ADGRD1: variants seen among roughly 807,000 people sequenced by gnomAD.
ADGRD1 encodes the protein adhesion G protein-coupled receptor D1.
ADGRD1 carries 77 observed loss-of-function variants against 113.4 expected under a neutral mutation model. That is an observed-to-expected ratio of 0.68 (90% confidence interval 0.57 to 0.82). The LOEUF (loss-of-function observed/expected upper bound fraction) is 0.82, where lower values mean the gene tolerates loss of function less well. ADGRD1 is among the 40% of genes least tolerant of loss of function. The pLI is 0.00. For synonymous variants in ADGRD1, 474 were observed against 475.0 expected, an observed-to-expected ratio of 1.00 and a Z score of 0.03; for missense variants, 1,036 against 1,139.1, an observed-to-expected ratio of 0.91 and a Z score of 1.30.
chr12:131,070,561 G>A (rs999534834), intron 13 of ADGRD1: 5 of 217,762 alleles, frequency 2.3e-5, no homozygotes, highest in African/African-American at 9.1e-5. Flanking sequence ...TCTGAGACGC[G>A]CTTTAGAAGT....
intron 20 of ADGRD1, among the ~76,000 whole-genome samples, chr12:131,123,095 C>T (rs566460451): frequency 2.9e-5 from 3 of 104,176 alleles, no homozygotes; most frequent in Admixed American, 1.4e-4. Flanking sequence ...TTCGCTCTGT[C>T]GCCCAGGCTG....
At chr12:130,960,312 T>C (rs1870186001) in intron 2 of ADGRD1, among the ~76,000 whole-genome samples, 1 of 152,170 alleles carries the variant, frequency 6.6e-6, no homozygotes, top group Non-Finnish European at 1.5e-5. Context: ...TTTAGGGGTC[T>C]GGGAGGCCAA....
intron 20 of ADGRD1, among the ~76,000 whole-genome samples, chr12:131,124,680 TCGAA>T (rs1183348405): frequency 9.5e-6 from 1 of 105,160 alleles, no homozygotes; most frequent in Non-Finnish European, 2.5e-5. Flanking sequence ...CCGCCCCTTC[TCGAA>T]TTGTTCTCGG....
At chr12:131,137,170 G>C (rs1444446224) in intron 23 of ADGRD1, 156 bp downstream of exon 23, 4 of 680,878 alleles carry the variant, frequency 5.9e-6, no homozygotes, top group Non-Finnish European at 1.1e-5. Flanking sequence ...GTGCCCTGGG[G>C]CCTGCTGCTG....
chr12:131,120,955 G>T (rs1388684219), intron 20 of ADGRD1, 42 bp downstream of exon 20: 5 of 1,573,912 alleles, frequency 3.2e-6, no homozygotes, highest in Non-Finnish European at 4.4e-6. Flanking sequence ...GGGCTGGGGA[G>T]GGGCAGGAGG....
At chr12:130,994,724 C>T (rs1050536353) in intron 8 of ADGRD1, among the ~76,000 whole-genome samples, 4 of 152,246 alleles carry the variant, frequency 2.6e-5, no homozygotes, top group African/African-American at 7.2e-5. Context: ...GTTGCATGCT[C>T]ATGAGTGGGT....
In ADGRD1 at chr12:130,954,086, G is replaced by T. The variant is rs1869222069; in HGVS notation, c.-380G>T. On this transcript the variant is annotated 5_prime_UTR_variant, in exon 1 of 25. Transcript: ENST00000261654. This position sits in a 1 kb window ranked among gnomAD's most constrained non-coding sequence, Gnocchi z 4.7. Reference sequence around the variant, plus strand: ...CCAAACCTGACTGAGACAAACGGAGGCTCTTGAAATAAAAAGAAAATACCG... The same window carrying T: ...CCAAACCTGACTGAGACAAACGGAGTCTCTTGAAATAAAAAGAAAATACCG... 1 of 188,894 alleles carries T rather than the reference G, an allele frequency of 5.3e-6. No homozygotes were observed. Among genetic ancestry groups the T allele is most frequent in the Non-Finnish European group, 1.1e-5 (1 of 93,476 alleles). The allele number at this position is 188,894 out of a possible 1,614,324, so 11.7% of individuals were successfully genotyped here. A position where few individuals can be genotyped will look rare whatever the true frequency, so the allele number is the denominator to read the frequency against.
chr12:131,002,867 G>A (rs1876569667), intron 9 of ADGRD1: 1 of 1,203,630 alleles, frequency 8.3e-7, no homozygotes, highest in South Asian at 1.5e-5. Flanking sequence ...TGTGCTGAGG[G>A]TCCCTCTGTG....
At chr12:131,098,773 C>T (rs573428182) in intron 15 of ADGRD1, among the ~76,000 whole-genome samples, 4 of 152,240 alleles carry the variant, frequency 2.6e-5, no homozygotes, top group Admixed American at 1.3e-4. Flanking sequence ...TATTTATTCA[C>T]GTTTACACAT....
chr12:131,123,775 T>C (rs1170256021), intron 20 of ADGRD1, among the ~76,000 whole-genome samples: 1 of 151,238 alleles, frequency 6.6e-6, no homozygotes, highest in Non-Finnish European at 1.5e-5. Flanking sequence ...TGAGCCGAGA[T>C]TGCGCCACTG....
chr12:131,056,977 CGT>C (rs1883919303), intron 13 of ADGRD1, among the ~76,000 whole-genome samples: 1 of 152,050 alleles, frequency 6.6e-6, no homozygotes, highest in African/African-American at 2.4e-5. Context: ...CTTGGACTCA[CGT>C]GTGTTGACAT....
At chr12:130,978,450 T>A (rs912462225) in intron 4 of ADGRD1, 2 of 152,236 alleles carry the variant, frequency 1.3e-5, no homozygotes, top group Middle Eastern at 3.2e-3. Flanking sequence ...GTCAATATTG[T>A]GCTTGTTTCT....
At chr12:130,991,905 G>A (rs920914029) in intron 7 of ADGRD1, among the ~76,000 whole-genome samples, 4 of 152,092 alleles carry the variant, frequency 2.6e-5, no homozygotes, top group Non-Finnish European at 5.9e-5. Context: ...AGGATCACTT[G>A]AGGTCCGGAG....
chr12:131,002,924 G>A (rs987330080), intron 9 of ADGRD1: 8 of 792,280 alleles, frequency 1.0e-5, no homozygotes, highest in African/African-American at 8.7e-5. Context: ...CTCAGTCCCC[G>A]TGTCTAAGTG....
At chr12:131,002,846 A>C in intron 9 of ADGRD1, 1 of 1,228,828 alleles carries the variant, frequency 8.1e-7, no homozygotes, top group South Asian at 1.5e-5. Context: ...AGGTAGGGGG[A>C]GGGTCTGGGA....
At chr12:131,110,321 G>C (rs748851731) in intron 18 of ADGRD1, among the ~76,000 whole-genome samples, 11 of 149,112 alleles carry the variant, frequency 7.4e-5, no homozygotes, top group Non-Finnish European at 1.6e-4. Flanking sequence ...ATATTTCCTA[G>C]TGTAACACTT....
rs1458243149 is a variant in ADGRD1 at position 131,050,715 on chromosome 12, G to A, written c.1474-26086G>A. ...GCGGTCCCCAGACATTTTGGCACCAGGGACTGGTTTCGTGGAAGACAATTT... is the reference window on the plus strand; with the variant it reads ...GCGGTCCCCAGACATTTTGGCACCAAGGACTGGTTTCGTGGAAGACAATTT... On this transcript the variant is annotated intron_variant, in intron 13 of 24. Transcript: ENST00000261654. This position sits in a 1 kb window ranked among gnomAD's most constrained non-coding sequence, Gnocchi z 4.8. Among the ~76,000 whole-genome samples, 6 of 152,186 alleles carry A rather than the reference G, an allele frequency of 3.9e-5. No individual in the cohort carries two copies. The highest frequency in any genetic ancestry group is 2.9e-5 in the Non-Finnish European group (2 of 68,038).
chr12:131,128,974 G>T (rs1950823930), intron 20 of ADGRD1, among the ~76,000 whole-genome samples: 1 of 124,106 alleles, frequency 8.1e-6, no homozygotes. Context: ...CGGCCCTCCT[G>T]TCTGGGTGTG....
At chr12:130,987,499 G>C (rs975992012) in intron 6 of ADGRD1, 150 bp downstream of exon 6, 4 of 753,642 alleles carry the variant, frequency 5.3e-6, no homozygotes, top group Admixed American at 2.7e-5. Context: ...ACAGTTGTGT[G>C]TTAGAACACC....
Sources: allele counts gnomAD v4.1 joint callset (sites outside exome capture counted in the v4.1 genomes callset), GRCh38; gene constraint gnomAD v4.1.1; non-coding constraint Gnocchi (gnomAD v3.1); transcripts MANE v1.5; gene names NCBI Gene and HGNC (gene_info 2026-07-23, HGNC 2026-07-21).